SUDS3: variants seen among roughly 807,000 people sequenced by gnomAD.
The protein encoded by SUDS3 is SIN3A corepressor complex component SDS3, also known as sin3 histone deacetylase corepressor complex component SDS3.
In SUDS3, 23 loss-of-function variants were observed where a neutral mutation model predicts 53.5. That is an observed-to-expected ratio of 0.43 (90% CI 0.31 to 0.61). The LOEUF (loss-of-function observed/expected upper bound fraction) is 0.61. Among genes scored for constraint, SUDS3 ranks in the 20% least tolerant of loss-of-function variants. The pLI, the probability that SUDS3 is intolerant of heterozygous loss-of-function variation, is 0.10. For missense variants in SUDS3, 291 were observed against 405.9 expected (o/e 0.72, Z 2.43); for synonymous variants, 150 against 148.5 (o/e 1.01, Z -0.08).
At chr12:118,411,403 C>T (rs2046358037) in intron 11 of SUDS3, among the ~76,000 whole-genome samples, 1 of 152,176 alleles carries the variant, frequency 6.6e-6, no homozygotes, top group South Asian at 2.1e-4. Context: ...ACTCCCGGTA[C>T]AGCTACTGAT....
chr12:118,390,989 C>CA (rs1566200713), intron 5 of SUDS3, 137 bp from the exon 6 acceptor site: 1 of 1,011,160 alleles, frequency 9.9e-7, no homozygotes, highest in Admixed American at 1.9e-5. Context: ...AGCTTGTTCT[C>CA]AGACACACTG....
Position 118,376,580 on chromosome 12 carries a change from C to A in SUDS3, c.-112C>A. On this transcript the variant is annotated 5_prime_UTR_variant, in exon 1 of 12. The change creates a new upstream start codon in the 5' untranslated region. Transcript: ENST00000543473. ...GGAGACGGGGAAGGGGTCGCCGTGG[C>A]TGCCGGTCCTCGAGTTGGGGGCTGC... 1 of 1,231,080 alleles carries A rather than the reference C, an allele frequency of 8.1e-7. No homozygotes were observed. 76.3% of individuals were successfully genotyped at this position (1,231,080 alleles called of 1,614,324 possible).
intron 1 of SUDS3, 24 bp from the exon 2 acceptor site, chr12:118,380,138 C>T: frequency 2.5e-6 from 4 of 1,587,516 alleles, no homozygotes; most frequent in Non-Finnish European, 3.4e-6. Flanking sequence ...TTTTAACTAG[C>T]CCCTATTTCC....
chr12:118,383,397 A>AATT (rs2046085400), intron 2 of SUDS3, among the ~76,000 whole-genome samples: 1 of 152,260 alleles, frequency 6.6e-6, no homozygotes, highest in Non-Finnish European at 1.5e-5. Context: ...GTGAGAGGAA[A>AATT]AAACTAACAT....
Position 118,385,127 on chromosome 12 carries a change from G to A in SUDS3, c.269-987G>A, listed in dbSNP as rs117067493. On this transcript the variant is annotated intron_variant, in intron 3 of 11. Transcript: ENST00000543473. ...TTTTGCTTTTCTTTTTTTTTTTTTC[G>A]AGGCTGAGTTCCGCTTTTGTCACCC... 5.4e-3 allele frequency among the ~76,000 whole-genome samples: 788 copies of A among 146,854 alleles called. 2 individuals carry two copies. The highest frequency in any genetic ancestry group is 8.3e-3 in the Non-Finnish European group (554 of 67,000).
At chr12:118,394,845 C>T (rs535670492) in intron 6 of SUDS3, among the ~76,000 whole-genome samples, 25 of 152,230 alleles carry the variant, frequency 1.6e-4, no homozygotes, top group African/African-American at 5.8e-4. Context: ...GCCACCTTAC[C>T]TGGCTCATTT....
intron 7 of SUDS3, among the ~76,000 whole-genome samples, chr12:118,401,184 T>C (rs940051906): frequency 6.6e-6 from 1 of 152,224 alleles, no homozygotes; most frequent in African/African-American, 2.4e-5. Flanking sequence ...GTTTTTAAAT[T>C]AAAGCAAATG....
chr12:118,393,271 G>A (rs566665855), intron 6 of SUDS3, among the ~76,000 whole-genome samples: 1 of 152,280 alleles, frequency 6.6e-6, no homozygotes, highest in South Asian at 2.1e-4. Flanking sequence ...GCCCAGCTCT[G>A]CCCTGAAAAA....
At chr12:118,379,262 C>A (rs1159070093) in intron 1 of SUDS3, among the ~76,000 whole-genome samples, 1 of 151,946 alleles carries the variant, frequency 6.6e-6, no homozygotes, top group Non-Finnish European at 1.5e-5. Flanking sequence ...CGTGGCGAAA[C>A]CTCATCTCTA....
chr12:118,407,335 C>G (rs2046317122), intron 10 of SUDS3, among the ~76,000 whole-genome samples: 1 of 152,098 alleles, frequency 6.6e-6, no homozygotes, highest in Non-Finnish European at 1.5e-5. Context: ...CAGGAGGGAC[C>G]TGGTGATCAG....
intron 4 of SUDS3, among the ~76,000 whole-genome samples, 163 bp from the exon 5 acceptor site, chr12:118,389,764 T>C (rs1215874150): frequency 9.2e-5 from 14 of 152,222 alleles, no homozygotes; most frequent in Non-Finnish European, 1.5e-5. Context: ...TGAGTACTTG[T>C]CATGTCCTTT....
At chr12:118,381,438 A>AGT (rs1405370064) in intron 2 of SUDS3, among the ~76,000 whole-genome samples, 1 of 152,030 alleles carries the variant, frequency 6.6e-6, no homozygotes, top group East Asian at 1.9e-4. Flanking sequence ...GCTGGAGTGC[A>AGT]GTGGCCTGAT....
At chr12:118,399,544 C>T (rs1370267912) in intron 6 of SUDS3, among the ~76,000 whole-genome samples, 3 of 151,950 alleles carry the variant, frequency 2.0e-5, no homozygotes, top group African/African-American at 7.3e-5. Context: ...ATACACAAAA[C>T]GATCTGATTT....
At chr12:118,393,105 A>G (rs559810202) in intron 6 of SUDS3, among the ~76,000 whole-genome samples, 1 of 152,336 alleles carries the variant, frequency 6.6e-6, no homozygotes, top group Non-Finnish European at 1.5e-5. Context: ...CTGCCAAGGT[A>G]ATGATGGAGT....
chr12:118,414,495 C>T lies in SUDS3; in HGVS notation c.*62C>T, dbSNP rs1448039579. 21 of 1,311,580 alleles carry T rather than the reference C, an allele frequency of 1.6e-5. No individual in the cohort carries two copies. In the South Asian group the frequency reaches 2.1e-4, roughly 13 times the overall value. 81.2% of individuals were successfully genotyped at this position (1,311,580 alleles called of 1,614,324 possible). A position where few individuals can be genotyped will look rare whatever the true frequency, so the allele number is the denominator to read the frequency against. On this transcript the variant is annotated 3_prime_UTR_variant, in exon 12 of 12. Coordinates refer to ENST00000543473, the MANE Select transcript of SUDS3 (RefSeq NM_022491.3). Reference sequence around the variant, plus strand: ...AGTGGGTTTTATTTTTGTTTTGTTTCGTTTTCTCCTTAATAGAAAAATGTT... The same window carrying T: ...AGTGGGTTTTATTTTTGTTTTGTTTTGTTTTCTCCTTAATAGAAAAATGTT...
chr12:118,397,887 G>A, intron 6 of SUDS3, among the ~76,000 whole-genome samples: 1 of 152,096 alleles, frequency 6.6e-6, no homozygotes, highest in Admixed American at 6.6e-5. Flanking sequence ...GCAGCCTGTG[G>A]AGCAGAGCAC....
chr12:118,391,707 C>T lies in SUDS3; in HGVS notation c.517+425C>T, dbSNP rs550372786. On this transcript the variant is annotated intron_variant, in intron 6 of 11. Transcript: ENST00000543473. ...CCTCTGTGGTGATGGGAATCCCTCG[C>T]TTTGTTTTTTTCCAGTCTGCCTTAA... Among the ~76,000 whole-genome samples the T allele has an allele frequency of 2.0e-5, 3 of 152,324 alleles. No individual in the cohort carries two copies. In the East Asian group the frequency reaches 5.8e-4, roughly 29 times the overall value.
chr12:118,382,255 C>T (rs1454044805), intron 2 of SUDS3, among the ~76,000 whole-genome samples: 1 of 152,038 alleles, frequency 6.6e-6, no homozygotes, highest in Non-Finnish European at 1.5e-5. Flanking sequence ...ACCATGTTGG[C>T]CAGGCTGGTC....
At position 118,376,736 on chromosome 12, in the gene SUDS3, A is replaced by G. The variant is rs533642265; in HGVS notation, c.45A>G (p.Gly15=). ...TGGCCCCGGCCCCGGCCCAGGCTGGAGCGCCGCCGGCCCCCGAGTACTACC... is the reference window on the plus strand; with the variant it reads ...TGGCCCCGGCCCCGGCCCAGGCTGGGGCGCCGCCGGCCCCCGAGTACTACC... The part of the protein sequence containing the change: ...GLLAPAPAQA[G]APPAPEYYPE... The change falls in exon 1 of 12, where the codon GGA becomes GGG. Residue 15 remains glycine (G), a synonymous_variant. Transcript: ENST00000543473. 250 of 1,534,716 alleles carry G rather than the reference A, an allele frequency of 1.6e-4. No homozygotes were observed. In the South Asian group the frequency reaches 2.8e-3, roughly 17 times the overall value.
Sources: gnomAD v4.1 joint callset for allele counts (sites outside exome capture counted in the v4.1 genomes callset) on GRCh38, gnomAD v4.1.1 for gene constraint, MANE v1.5 for transcripts, NCBI Gene and HGNC (gene_info 2026-07-23, HGNC 2026-07-21) for gene names.